The following WDR88 variants were observed in gnomAD, a reference collection of about 807,000 sequenced individuals.
WDR88 encodes WD repeat-containing protein 88.
In WDR88, 40 loss-of-function variants were observed where a neutral mutation model predicts 46.8. The ratio of observed to expected loss-of-function variants is 0.86; its 90% CI spans 0.66 to 1.11. The LOEUF (loss-of-function observed/expected upper bound fraction) is 1.11. Among genes scored for constraint, WDR88 ranks in the 50% most tolerant of loss-of-function variants. WDR88 has a pLI of 0.00. For missense variants in WDR88, 562 were observed against 602.4 expected (o/e 0.93, Z 0.70); for synonymous variants, 235 against 240.7 (o/e 0.98, Z 0.22).
intron 10 of WDR88, among the ~76,000 whole-genome samples, chr19:33,173,558 T>C (rs1974075173): frequency 6.6e-6 from 1 of 152,270 alleles, no homozygotes; most frequent in Admixed American, 6.5e-5. Context: ...TGCCTAGACT[T>C]GGCCTCCTCT....
At chr19:33,140,157 T>C (rs1258439084) in intron 2 of WDR88, among the ~76,000 whole-genome samples, 2 of 152,084 alleles carry the variant, frequency 1.3e-5, no homozygotes, top group African/African-American at 2.4e-5. Flanking sequence ...AGGAATTTTT[T>C]CTTTGTTTTG....
In WDR88 at chr19:33,172,361, G is replaced by A. The variant is rs1321284002; in HGVS notation, c.1163G>A (p.Arg388Lys). The A allele has an allele frequency of 6.2e-7, 1 of 1,613,782 alleles. No individual in the cohort carries two copies. The highest frequency in any genetic ancestry group is 2.2e-5 in the East Asian group (1 of 44,888). ...TATTTGTTTTAGGATAGGACCATGA[G>A]ACTGTGGAATATTGAAGAAATTGAT... ...ILSASKDRTM[R>K]LWNIEEIDEI... Residue 388 changes from arginine (R) to lysine (K), a missense_variant, in exon 10 of 11, where the codon AGA becomes AAA. By Grantham distance (26) the Arg-to-Lys change is conservative. Coordinates refer to ENST00000355868, the MANE Select transcript of WDR88 (RefSeq NM_173479.4).
chr19:33,147,329 G>A (rs112746181), intron 3 of WDR88, among the ~76,000 whole-genome samples: 3,583 of 152,170 alleles, frequency 0.024, 155 homozygotes, highest in African/African-American at 0.08. Flanking sequence ...TTGGCCAGGC[G>A]CGGTGGTTCA....
At chr19:33,145,537 T>G (rs1490350263) in intron 3 of WDR88, among the ~76,000 whole-genome samples, 1 of 149,374 alleles carries the variant, frequency 6.7e-6, no homozygotes, top group South Asian at 2.2e-4. Context: ...AATTTATCTT[T>G]TTTTTTTTCT....
Position 33,132,258 on chromosome 19 carries a change from C to T in WDR88, c.89C>T (p.Pro30Leu), listed in dbSNP as rs745629907. ...PPSAPASEYC[P>L]GKLSWGTMAR... ...TCCGCCCCCGCCAGCGAGTATTGTC[C>T]CGGCAAGCTGTCCTGGGGGACCATG... is the stretch of plus-strand genomic sequence containing the variant. Residue 30 changes from proline to leucine, a missense_variant, in exon 1 of 11, where the codon CCC becomes CTC. Transcript: ENST00000355868. 1 of 1,613,064 alleles carries T rather than the reference C, an allele frequency of 6.2e-7. No individual in the cohort carries two copies. The highest frequency in any genetic ancestry group is 8.5e-7 in the Non-Finnish European group (1 of 1,179,968).
intron 8 of WDR88, among the ~76,000 whole-genome samples, chr19:33,163,160 C>T (rs1313041929): frequency 1.3e-5 from 2 of 151,848 alleles, no homozygotes; most frequent in Admixed American, 6.6e-5. Context: ...AGTGAAACCC[C>T]GTCTCTACTA....
intron 9 of WDR88, among the ~76,000 whole-genome samples, chr19:33,170,066 G>A (rs1280281336): frequency 2.0e-5 from 3 of 152,004 alleles, no homozygotes; most frequent in Non-Finnish European, 4.4e-5. Context: ...TAGTACAGAC[G>A]GGGTTTCTCC....
intron 7 of WDR88, among the ~76,000 whole-genome samples, chr19:33,159,673 A>G (rs1973830414): frequency 1.3e-5 from 2 of 152,154 alleles, no homozygotes; most frequent in South Asian, 2.1e-4. Flanking sequence ...TCACTAATTC[A>G]GTGTCTGCAA....
At chr19:33,158,407 C>T (rs1422838197) in intron 7 of WDR88, among the ~76,000 whole-genome samples, 3 of 150,522 alleles carry the variant, frequency 2.0e-5, no homozygotes, top group South Asian at 2.1e-4. Context: ...GCCTGGGTGA[C>T]GGAGTGAGAC....
At chr19:33,156,002 G>C (rs761094818) in intron 6 of WDR88, among the ~76,000 whole-genome samples, 2 of 152,250 alleles carry the variant, frequency 1.3e-5, no homozygotes, top group Non-Finnish European at 2.9e-5. Context: ...GGCCAAGGCA[G>C]GTGGACCACT....
intron 10 of WDR88, 39 bp downstream of exon 10, chr19:33,172,479 G>T (rs549083762): frequency 1.3e-6 from 2 of 1,492,786 alleles, no homozygotes; most frequent in Non-Finnish European, 9.3e-7. Context: ...GAAGGCTTTC[G>T]TTAGTTCCCT....
chr19:33,133,565 A>G (rs1973184489), intron 1 of WDR88, among the ~76,000 whole-genome samples: 1 of 152,214 alleles, frequency 6.6e-6, no homozygotes, highest in Admixed American at 6.5e-5. Context: ...CTCAATAAGT[A>G]GCGTTTCATG....
At chr19:33,143,207 C>T (rs190524654) in intron 2 of WDR88, among the ~76,000 whole-genome samples, 2 of 151,396 alleles carry the variant, frequency 1.3e-5, no homozygotes, top group Admixed American at 1.3e-4. Context: ...TGGTTGTGCA[C>T]TTCTGTAGTC....
At position 33,133,212 on chromosome 19, in the gene WDR88, GAA is replaced by G. The variant is rs1491243855; in HGVS notation, c.276+769_276+770del. Among the ~76,000 whole-genome samples the G allele has an allele frequency of 1.8e-3, 261 of 145,616 alleles. 1 individual carries two copies. In the East Asian group the frequency reaches 0.022, roughly 12 times the overall value. On this transcript the variant is annotated intron_variant, in intron 1 of 10. Transcript: ENST00000355868. ...ATAAATAAATATAGAGAGAGAGAGAGAAAGAAAGAAAGAAAAAGAAAAAGAAA... is the reference window on the plus strand; with the variant it reads ...ATAAATAAATATAGAGAGAGAGAGAGAGAAAGAAAGAAAAAGAAAAAGAAA...
At chr19:33,166,282 CAAAAA>C (rs34053341) in intron 9 of WDR88, among the ~76,000 whole-genome samples, 24 of 55,544 alleles carry the variant, frequency 4.3e-4, no homozygotes, top group South Asian at 1.3e-3. Context: ...GTTGTGGTCT[CAAAAA>C]AAAAAAAAAA....
rs114531109 is a variant in WDR88, at chr19:33,134,257, G to T, written c.276+1812G>T. Among the ~76,000 whole-genome samples the T allele has an allele frequency of 1.1e-3, 169 of 152,238 alleles. 3 individuals carry two copies. The highest frequency in any genetic ancestry group is 3.9e-3 in the African/African-American group (160 of 41,550). ...AGCCTGTGGTGGGGGTAGCGGAATG[G>T]TTCCCCCCTCTTGCTAATGTTTTTC... is the stretch of plus-strand genomic sequence containing the variant. On this transcript the variant is annotated intron_variant, in intron 1 of 10. Coordinates refer to ENST00000355868, the MANE Select transcript of WDR88 (RefSeq NM_173479.4).
chr19:33,163,497 AAAAC>A (rs570397878), intron 8 of WDR88, among the ~76,000 whole-genome samples: 1,400 of 125,930 alleles, frequency 0.011, 5 homozygotes, highest in Middle Eastern at 0.037. Context: ...ACTCTGTCTC[AAAAC>A]AAACAAACAA....
intron 7 of WDR88, among the ~76,000 whole-genome samples, chr19:33,159,219 C>T (rs1973819586): frequency 6.6e-6 from 1 of 151,668 alleles, no homozygotes. Context: ...GCTTGTAGTC[C>T]CAGCTACTTG....
Position 33,140,846 on chromosome 19 carries a change from A to G in WDR88, c.387+3059A>G, listed in dbSNP as rs145744742. Among the ~76,000 whole-genome samples the G allele has an allele frequency of 4.2e-3, 633 of 152,084 alleles. 6 individuals are homozygous for G. Among genetic ancestry groups the G allele is most frequent in the African/African-American group, 0.014 (592 of 41,524 alleles). ...ATTCACAGCTGTTAACTCTGGGGTC[A>G]TGGAAGGATGAATGTTTTTCTTTCT... On this transcript the variant is annotated intron_variant, in intron 2 of 10. Coordinates refer to ENST00000355868, the MANE Select transcript of WDR88 (RefSeq NM_173479.4).
Sources: allele counts gnomAD v4.1 joint callset (sites outside exome capture counted in the v4.1 genomes callset), GRCh38; gene constraint gnomAD v4.1.1; transcripts MANE v1.5; gene names NCBI Gene and HGNC (gene_info 2026-07-23, HGNC 2026-07-21).